The following KIT variants were observed in gnomAD, a reference collection of about 807,000 sequenced individuals.
The protein encoded by KIT is KIT proto-oncogene, receptor tyrosine kinase.
A neutral mutation model predicts 105.7 loss-of-function variants in KIT; 16 were observed. The ratio of observed to expected loss-of-function variants is 0.15; its 90% CI spans 0.10 to 0.23. KIT has a LOEUF of 0.23. Among genes scored for constraint, KIT ranks in the 10% least tolerant of loss-of-function variants. The pLI is 1.00. For missense variants in KIT, 858 were observed against 1,213.8 expected, an observed-to-expected ratio of 0.71 and a Z score of 4.36; for synonymous variants, 438 against 441.1, an observed-to-expected ratio of 0.99 and a Z score of 0.09.
chr4:54,691,621 G>A (rs1022630669), intron 1 of KIT, among the ~76,000 whole-genome samples: 27 of 152,124 alleles, frequency 1.8e-4, no homozygotes, highest in African/African-American at 6.3e-4. Flanking sequence ...CTTTAAAGTT[G>A]TAAGAGCTGC....
chr4:54,703,742 TATA>T lies in KIT; in HGVS notation c.779_781del (p.Asn260del), dbSNP rs1248174735. 1.2e-6 allele frequency: 2 copies of T among 1,613,764 alleles called. No homozygotes were observed. The highest frequency in any genetic ancestry group is 8.5e-7 in the Non-Finnish European group (1 of 1,179,736). ...CCAGCAGACTAAACTACAGGAGAAA[TATA>T]ATAGCTGGCATCACGGTGACTTCAA... is the stretch of plus-strand genomic sequence containing the variant. On this transcript the variant is annotated inframe_deletion, in exon 5 of 21. Transcript: ENST00000288135.
In KIT at chr4:54,709,311, A is replaced by G. The variant is rs56345799; in HGVS notation, c.1116-113A>G. ...ATTTTGCTAATACTTACTGAATTAA[A>G]TGAGTTATATTTTTCCTCAAACAGG... On this transcript the variant is annotated intron_variant, in intron 6 of 20. Coordinates refer to ENST00000288135, the MANE Select transcript of KIT (RefSeq NM_000222.3). The G allele has an allele frequency of 6.0e-3, 4,425 of 735,768 alleles. 31 individuals carry two copies. Among genetic ancestry groups the G allele is most frequent in the Non-Finnish European group, 7.1e-3 (2,852 of 403,728 alleles). The allele number at this position is 735,768 out of a possible 1,614,324, so 45.6% of individuals were successfully genotyped here. A position where few individuals can be genotyped will look rare whatever the true frequency, so the allele number is the denominator to read the frequency against.
At position 54,668,584 on chromosome 4, in the gene KIT, A is replaced by T. The variant is rs549204771; in HGVS notation, c.67+10503A>T. ...AGTTAACAGAGTTAGAACAAAGGAG[A>T]GCATTATCACAAAGAGCTCTGGAAG... is the stretch of plus-strand genomic sequence containing the variant. On this transcript the variant is annotated intron_variant, in intron 1 of 20. Transcript: ENST00000288135. 6.6e-5 allele frequency among the ~76,000 whole-genome samples: 10 copies of T among 152,334 alleles called. No homozygotes were observed. In the South Asian group the frequency reaches 2.1e-3, roughly 32 times the overall value.
At chr4:54,659,160 G>C (rs145755505) in intron 1 of KIT, among the ~76,000 whole-genome samples, 53 of 152,336 alleles carry the variant, frequency 3.5e-4, no homozygotes, top group African/African-American at 1.2e-3. Flanking sequence ...CTGCCTGGGG[G>C]TGGGGTGGGA....
chr4:54,707,574 T>C (rs1302953347), intron 6 of KIT, among the ~76,000 whole-genome samples: 1 of 152,172 alleles, frequency 6.6e-6, no homozygotes, highest in African/African-American at 2.4e-5. Context: ...GCAGTAACTT[T>C]CATGTACTCG....
At chr4:54,669,015 G>A (rs1288051474) in intron 1 of KIT, among the ~76,000 whole-genome samples, 1 of 152,040 alleles carries the variant, frequency 6.6e-6, no homozygotes, top group Non-Finnish European at 1.5e-5. Context: ...ACAAGGACTG[G>A]TTTTTAGAAT....
At chr4:54,664,951 A>G (rs1450539370) in intron 1 of KIT, among the ~76,000 whole-genome samples, 1 of 151,676 alleles carries the variant, frequency 6.6e-6, no homozygotes, top group Non-Finnish European at 1.5e-5. Flanking sequence ...AATCATCTTT[A>G]AATGTATATT....
At chr4:54,726,611 A>C (rs1203051465) in intron 9 of KIT, among the ~76,000 whole-genome samples, 8 of 152,288 alleles carry the variant, frequency 5.3e-5, no homozygotes, top group Non-Finnish European at 7.4e-5. Flanking sequence ...GAAACTGGGC[A>C]CTTACTTTTT....
chr4:54,658,431 GT>G (rs1716976645), intron 1 of KIT, among the ~76,000 whole-genome samples: 2 of 152,086 alleles, frequency 1.3e-5, no homozygotes, highest in African/African-American at 4.8e-5. Context: ...GGGCTCAGGG[GT>G]TTGCACCGAG....
intron 4 of KIT, 27 bp from the exon 5 acceptor site, chr4:54,703,692 CATTTT>C (rs1560399376): frequency 6.4e-7 from 1 of 1,566,696 alleles, no homozygotes; most frequent in Non-Finnish European, 8.8e-7. Flanking sequence ...TGGTAATCTT[CATTTT>C]TTTTTCTCCT....
intron 7 of KIT, among the ~76,000 whole-genome samples, chr4:54,711,098 C>G (rs565753177): frequency 1.1e-4 from 17 of 152,262 alleles, no homozygotes; most frequent in African/African-American, 3.4e-4. Context: ...CTAGACTGGT[C>G]TTGAATTCCT....
chr4:54,739,470 T>G lies in KIT; in HGVS notation c.*913T>G. ...TTCTGTAGATTCTGTGGAACAAGCC[T>G]ATCAGCTTCAGAATGGCATTGTACT... On this transcript the variant is annotated 3_prime_UTR_variant, in exon 21 of 21. Transcript: ENST00000288135. 1 of 233,498 alleles carries G rather than the reference T, an allele frequency of 4.3e-6. No individual in the cohort carries two copies. Among genetic ancestry groups the G allele is most frequent in the Non-Finnish European group, 8.5e-6 (1 of 117,872 alleles). The allele number at this position is 233,498 out of a possible 1,614,324, so 14.5% of individuals were successfully genotyped here.
At chr4:54,704,045 A>G (rs937768959) in intron 5 of KIT, among the ~76,000 whole-genome samples, 153 bp downstream of exon 5, 2 of 152,218 alleles carry the variant, frequency 1.3e-5, no homozygotes, top group African/African-American at 4.8e-5. Context: ...GCCTCTTGCA[A>G]TGAAAGCACA....
At chr4:54,659,158 G>A (rs1057339689) in intron 1 of KIT, among the ~76,000 whole-genome samples, 14 of 152,224 alleles carry the variant, frequency 9.2e-5, no homozygotes, top group African/African-American at 3.4e-4. Flanking sequence ...GGCTGCCTGG[G>A]GGTGGGGTGG....
At chr4:54,712,355 T>C (rs559429560) in intron 7 of KIT, among the ~76,000 whole-genome samples, 1 of 152,340 alleles carries the variant, frequency 6.6e-6, no homozygotes, top group African/African-American at 2.4e-5. Context: ...TTATCTCCTG[T>C]GCACCAGCAA....
intron 1 of KIT, among the ~76,000 whole-genome samples, chr4:54,677,376 G>C (rs1414652567): frequency 2.0e-5 from 3 of 151,944 alleles, no homozygotes; most frequent in Non-Finnish European, 2.9e-5. Context: ...GTTCTAACTT[G>C]GGGTCTGCCC....
chr4:54,725,401 G>A (rs374018055), intron 8 of KIT, among the ~76,000 whole-genome samples: 3 of 152,056 alleles, frequency 2.0e-5, no homozygotes, highest in Non-Finnish European at 4.4e-5. Context: ...TACTGCGCCC[G>A]GCCCCTTGAA....
intron 7 of KIT, among the ~76,000 whole-genome samples, 193 bp from the exon 8 acceptor site, chr4:54,723,391 G>A (rs1271202299): frequency 6.6e-6 from 1 of 152,202 alleles, no homozygotes; most frequent in Non-Finnish European, 1.5e-5. Flanking sequence ...GGCTGGGAAA[G>A]CCTTTCTGGG....
At position 54,727,820 on chromosome 4, in the gene KIT, C is replaced by T. The variant is rs2109779202; in HGVS notation, c.1775-3C>T. The T allele has an allele frequency of 6.2e-7, 1 of 1,611,732 alleles. No individual in the cohort carries two copies. Among genetic ancestry groups the T allele is most frequent in the Non-Finnish European group, 8.5e-7 (1 of 1,179,168 alleles). On this transcript the variant is annotated splice_region_variant and splice_polypyrimidine_tract_variant and intron_variant, in intron 11 of 20. Transcript: ENST00000288135. ...ACTTACCTTGTTGTCTTCCTTCCTA[C>T]AGGGAAAACCCTGGGTGCTGGAGCT...
Sources: allele counts gnomAD v4.1 joint callset (sites outside exome capture counted in the v4.1 genomes callset), GRCh38; gene constraint gnomAD v4.1.1; transcripts MANE v1.5; gene names NCBI Gene and HGNC (gene_info 2026-07-23, HGNC 2026-07-21).